Variants in RPAIN observed in about 807,000 individuals in gnomAD.
RPAIN encodes RPA interacting protein, also known as RPA-interacting protein.
RPAIN carries 29 observed loss-of-function variants against 30.5 expected under a neutral mutation model. The ratio of observed to expected loss-of-function variants is 0.95; its 90% CI spans 0.71 to 1.30. The LOEUF (loss-of-function observed/expected upper bound fraction) is 1.30, where lower values mean the gene tolerates loss of function less well. RPAIN is among the 50% of genes most tolerant of loss of function. The probability of loss-of-function intolerance (pLI) is 0.00; values close to 1 mark genes in which losing one functional copy is unlikely to be tolerated. For missense variants in RPAIN, 247 were observed against 264.7 expected, an observed-to-expected ratio of 0.93 and a Z score of 0.46; for synonymous variants, 101 against 93.5, an observed-to-expected ratio of 1.08 and a Z score of -0.46.
intron 5 of RPAIN, 176 bp downstream of exon 5, chr17:5,426,475 A>G (rs1915401954): frequency 1.5e-6 from 1 of 651,410 alleles, no homozygotes; most frequent in Non-Finnish European, 2.8e-6. Flanking sequence ...TGGCATGAAA[A>G]TTGGCAAACA....
chr17:5,427,575 T>TTTTC (rs199795908), intron 5 of RPAIN: 1 of 154,880 alleles, frequency 6.5e-6, no homozygotes, highest in Non-Finnish European at 1.4e-5. Flanking sequence ...CTATAGCTCT[T>TTTTC]TTTCTTTCTT....
Position 5,426,059 on chromosome 17 carries a change from A to C in RPAIN, c.402A>C (p.Pro134=). Residue 134 remains proline (P), a synonymous_variant, in exon 4 of 7, where the codon CCA becomes CCC. Coordinates refer to ENST00000381209, the MANE Select transcript of RPAIN (RefSeq NM_001033002.4). ...SIMLAEWEAN[P]LICPVCTKYN... Reference sequence around the variant, plus strand: ...TGCTGGCTGAGTGGGAGGCAAACCCACTCATCTGTCCTGTATGTACAAAGT... The same window carrying C: ...TGCTGGCTGAGTGGGAGGCAAACCCCCTCATCTGTCCTGTATGTACAAAGT... 1 of 1,613,116 alleles carries C rather than the reference A, an allele frequency of 6.2e-7. No individual in the cohort carries two copies. The highest frequency in any genetic ancestry group is 1.1e-5 in the South Asian group (1 of 90,976).
intron 6 of RPAIN, 86 bp downstream of exon 6, chr17:5,428,297 A>G: frequency 6.2e-7 from 1 of 1,600,702 alleles, no homozygotes; most frequent in Non-Finnish European, 8.5e-7. Context: ...TGACCTATAA[A>G]CAGGTAAATG....
At chr17:5,429,055 A>T (rs1915666305) in intron 6 of RPAIN, 1 of 779,190 alleles carries the variant, frequency 1.3e-6, no homozygotes, top group Non-Finnish European at 1.6e-6. Context: ...CTCATTCATT[A>T]AAAAAAAAAT....
intron 6 of RPAIN, chr17:5,431,499 AAG>A (rs779945917): frequency 2.3e-6 from 1 of 439,532 alleles, no homozygotes; most frequent in South Asian, 1.7e-5. Flanking sequence ...AAAAAAAAAA[AAG>A]AGGAGGGGGA....
In RPAIN at chr17:5,422,752, G is replaced by A. The variant is rs757941659; in HGVS notation, c.253-17G>A. 3.7e-6 allele frequency: 6 copies of A among 1,611,442 alleles called. No homozygotes were observed. The highest frequency in any genetic ancestry group is 3.3e-5 in the Admixed American group (2 of 59,978). On this transcript the variant is annotated splice_polypyrimidine_tract_variant and intron_variant, in intron 2 of 6. Coordinates refer to ENST00000381209, the MANE Select transcript of RPAIN (RefSeq NM_001033002.4). ...ATTAATACTTCAAACTTCTGATGCC[G>A]CTCCTTTCTCTTCCAGCTGGAGGAG...
rs1269900188 is a variant in RPAIN, at chr17:5,426,092, T to C, written c.425+10T>C. ...GTCCTGTATGTACAAAGTAAGAGTT[T>C]TTAAAACCTTTTCAGCATTATTCGT... On this transcript the variant is annotated intron_variant, in intron 4 of 6. Transcript: ENST00000381209. 3.1e-6 allele frequency: 5 copies of C among 1,599,846 alleles called. No homozygotes were observed. The highest frequency in any genetic ancestry group is 2.2e-5 in the South Asian group (2 of 90,742).
Position 5,422,829 on chromosome 17 carries a change from G to A in RPAIN, c.313G>A (p.Glu105Lys). 4 of 1,607,214 alleles carry A rather than the reference G, an allele frequency of 2.5e-6. No homozygotes were observed. Among genetic ancestry groups the A allele is most frequent in the Non-Finnish European group, 3.4e-6 (4 of 1,174,534 alleles). Residue 105 changes from glutamate to lysine, a missense_variant and splice_region_variant, in exon 3 of 7, where the codon GAG becomes AAG. Physicochemically the swap from Glu to Lys is moderately conservative, Grantham distance 56. Transcript: ENST00000381209. ...EEIQQELINQ[E>K]QSIISEYEKS... ...AATTCAACAGGAGCTGATCAACCAA[G>A]GTAACCCCTAGTGGTAGTCCTTCCT...
intron 3 of RPAIN, 101 bp downstream of exon 3, chr17:5,422,930 T>C: frequency 5.4e-6 from 5 of 921,782 alleles, no homozygotes; most frequent in Non-Finnish European, 8.5e-6. Flanking sequence ...TTTGTCTACC[T>C]CCATCAGTCA....
chr17:5,431,851 A>ACTCTT (rs1915989736), intron 6 of RPAIN: 1 of 337,144 alleles, frequency 3.0e-6, no homozygotes, highest in East Asian at 8.6e-5. Flanking sequence ...TACCTGTGGA[A>ACTCTT]GTGGTAAGAA....
In RPAIN at chr17:5,422,824, A is replaced by C. The variant is rs528942866; in HGVS notation, c.308A>C (p.Asn103Thr). ...GAGGAAATTCAACAGGAGCTGATCA[A>C]CCAAGGTAACCCCTAGTGGTAGTCC... Reference protein sequence around the residue: ...VLEEIQQELINQEQSIISEYE... With the variant: ...VLEEIQQELITQEQSIISEYE... The change falls in exon 3 of 7, where the codon AAC becomes ACC. Residue 103 changes from asparagine (N) to threonine (T), a missense_variant. By Grantham distance (65) the Asn-to-Thr change is moderately conservative. Transcript: ENST00000381209. 1.9e-6 allele frequency: 3 copies of C among 1,609,636 alleles called. No homozygotes were observed. The highest frequency in any genetic ancestry group is 3.3e-5 in the Admixed American group (2 of 60,004).
intron 3 of RPAIN, 35 bp from the exon 4 acceptor site, chr17:5,425,936 C>A: frequency 1.5e-6 from 2 of 1,374,560 alleles, no homozygotes; most frequent in Non-Finnish European, 2.1e-6. Flanking sequence ...CCAGCTGAAG[C>A]ATGGTGAAGC....
At chr17:5,430,922 A>T (rs4331382) in intron 6 of RPAIN, 6,854 of 157,708 alleles carry the variant, frequency 0.043, 247 homozygotes, top group East Asian at 0.15. Flanking sequence ...GGTCGGGGGA[A>T]GAGAAGGGGA....
intron 6 of RPAIN, chr17:5,428,484 A>G (rs1915617682): frequency 7.1e-7 from 1 of 1,415,338 alleles, no homozygotes; most frequent in Non-Finnish European, 9.2e-7. Flanking sequence ...GATCAGTAGT[A>G]GTGGTTTTGG....
At chr17:5,429,733 C>T (rs540676215) in intron 6 of RPAIN, 4 of 985,366 alleles carry the variant, frequency 4.1e-6, no homozygotes, top group East Asian at 1.1e-4. Context: ...GCAGTGCTTT[C>T]AGGCCTCTGT....
intron 6 of RPAIN, chr17:5,432,013 C>T (rs1916014731): frequency 1.5e-5 from 4 of 259,024 alleles, no homozygotes; most frequent in Non-Finnish European, 3.0e-5. Context: ...TAAGGACAGA[C>T]TGGATTCCTT....
At chr17:5,431,767 G>C (rs927947089) in intron 6 of RPAIN, 1 of 406,092 alleles carries the variant, frequency 2.5e-6, no homozygotes, top group African/African-American at 2.1e-5. Context: ...TGCTCAAGTG[G>C]TGGTCCTGGG....
At chr17:5,422,528 T>G (rs1391736126) in intron 2 of RPAIN, among the ~76,000 whole-genome samples, 2 of 152,348 alleles carry the variant, frequency 1.3e-5, no homozygotes, top group African/African-American at 4.8e-5. Flanking sequence ...ACCTAACTGC[T>G]ACCCTATATC....
At chr17:5,432,042 AG>A in intron 6 of RPAIN, 1 of 223,950 alleles carries the variant, frequency 4.5e-6, no homozygotes, top group Non-Finnish European at 8.9e-6. Context: ...GGAGAGGCTG[AG>A]CCACCCAGGA....
Sources: allele counts gnomAD v4.1 joint callset (sites outside exome capture counted in the v4.1 genomes callset), GRCh38; gene constraint gnomAD v4.1.1; transcripts MANE v1.5; gene names NCBI Gene and HGNC (gene_info 2026-07-23, HGNC 2026-07-21).